TUSC3: variants seen among roughly 807,000 people sequenced by gnomAD.
TUSC3 encodes tumor suppressor candidate 3.
A neutral mutation model predicts 44.8 loss-of-function variants in TUSC3; 45 were observed. That is an observed-to-expected ratio of 1.00 (90% CI 0.79 to 1.29). The LOEUF (loss-of-function observed/expected upper bound fraction) is 1.29. Ranked by LOEUF, TUSC3 falls within the 50% of genes most tolerant of loss-of-function variation. The probability of loss-of-function intolerance (pLI) is 0.00; values close to 1 mark genes in which losing one functional copy is unlikely to be tolerated. For synonymous variants in TUSC3, 212 were observed against 152.9 expected, an observed-to-expected ratio of 1.39 and a Z score of -2.85; for missense variants, 519 against 437.9, an observed-to-expected ratio of 1.19 and a Z score of -1.65.
intron 1 of TUSC3, among the ~76,000 whole-genome samples, chr8:15,422,924 T>A (rs967654834): frequency 6.6e-6 from 1 of 152,164 alleles, no homozygotes; most frequent in African/African-American, 2.4e-5. Flanking sequence ...ATTACAGGTA[T>A]GAGCCACTGC....
intron 1 of TUSC3, among the ~76,000 whole-genome samples, chr8:15,545,236 AAT>A (rs1177404476): frequency 6.6e-6 from 1 of 151,586 alleles, no homozygotes; most frequent in Non-Finnish European, 1.5e-5. Context: ...TGTCCACAGC[AAT>A]AGATAGTTTA....
At chr8:15,646,467 T>A (rs1217804549) in intron 2 of TUSC3, among the ~76,000 whole-genome samples, 1 of 152,094 alleles carries the variant, frequency 6.6e-6, no homozygotes, top group Non-Finnish European at 1.5e-5. Flanking sequence ...AGTAGAGTAA[T>A]ATGGAATACA....
At chr8:15,699,232 A>G (rs1200181829) in intron 6 of TUSC3, among the ~76,000 whole-genome samples, 1 of 146,900 alleles carries the variant, frequency 6.8e-6, no homozygotes, top group African/African-American at 2.5e-5. Context: ...ACAACTATTC[A>G]GTGAATTGTA....
intron 10 of TUSC3, among the ~76,000 whole-genome samples, chr8:15,763,146 C>T (rs980857594): frequency 6.6e-6 from 1 of 151,414 alleles, no homozygotes; most frequent in East Asian, 1.9e-4. Context: ...ATATATATTT[C>T]ATGTTTTATA....
At chr8:15,546,601 A>C (rs1031693605) in intron 1 of TUSC3, among the ~76,000 whole-genome samples, 5 of 151,540 alleles carry the variant, frequency 3.3e-5, no homozygotes, top group Admixed American at 6.6e-5. Flanking sequence ...AATGGCGCAA[A>C]CTTGGCTCAC....
the TUSC3 span, among the ~76,000 whole-genome samples, chr8:15,848,732 G>T: frequency 6.6e-6 from 1 of 152,148 alleles, no homozygotes; most frequent in Non-Finnish European, 1.5e-5. Context: ...CTGGAGTCCA[G>T]AATCTTCAAC....
At chr8:15,463,230 G>A (rs1041607410) in intron 1 of TUSC3, among the ~76,000 whole-genome samples, 1 of 152,020 alleles carries the variant, frequency 6.6e-6, no homozygotes. Context: ...AAATTACTTA[G>A]CATGAATTTT....
the TUSC3 span, among the ~76,000 whole-genome samples, chr8:15,824,484 G>A: frequency 3.3e-5 from 5 of 151,750 alleles, no homozygotes; most frequent in African/African-American, 4.8e-5. Context: ...ATTTTTTATG[G>A]CTGCTCAGCA....
intron 1 of TUSC3, among the ~76,000 whole-genome samples, chr8:15,541,422 T>C (rs1189994256): frequency 6.6e-6 from 1 of 152,258 alleles, no homozygotes; most frequent in African/African-American, 2.4e-5. Flanking sequence ...AGTTATCTGC[T>C]TACATAATTG....
chr8:15,703,364 T>A (rs1489889602), intron 6 of TUSC3, among the ~76,000 whole-genome samples: 1 of 152,094 alleles, frequency 6.6e-6, no homozygotes, highest in Non-Finnish European at 1.5e-5. Context: ...AAGTGGGAAT[T>A]TTTTCTTCAA....
chr8:15,465,923 C>T (rs1010282658), intron 1 of TUSC3, among the ~76,000 whole-genome samples: 4 of 152,156 alleles, frequency 2.6e-5, no homozygotes, highest in African/African-American at 9.7e-5. Context: ...CCTAGTTCAT[C>T]GTGATATACT....
chr8:15,743,744 C>T, intron 8 of TUSC3, 132 bp downstream of exon 8: 1 of 1,030,608 alleles, frequency 9.7e-7, no homozygotes, highest in Non-Finnish European at 1.5e-6. Context: ...AAGATTTTAA[C>T]TTTTTTCTAT....
intron 1 of TUSC3, among the ~76,000 whole-genome samples, chr8:15,566,180 C>T (rs1802664374): frequency 6.6e-6 from 1 of 152,100 alleles, no homozygotes; most frequent in Non-Finnish European, 1.5e-5. Context: ...ATATTTACAG[C>T]AGTGATTCAT....
At chr8:15,757,973 CTT>C in intron 10 of TUSC3, 118 bp downstream of exon 10, 1 of 1,493,898 alleles carries the variant, frequency 6.7e-7, no homozygotes, top group Non-Finnish European at 8.9e-7. Flanking sequence ...TGTAAGATAA[CTT>C]TTAACTGTGA....
chr8:15,801,676 T>C, the TUSC3 span, among the ~76,000 whole-genome samples: 2 of 151,906 alleles, frequency 1.3e-5, no homozygotes, highest in East Asian at 1.9e-4. Context: ...ACCATGAGGG[T>C]TGTGAGAGCT....
intron 2 of TUSC3, among the ~76,000 whole-genome samples, chr8:15,510,398 T>C (rs1230917898): frequency 1.3e-5 from 2 of 151,982 alleles, no homozygotes; most frequent in Admixed American, 6.6e-5. Context: ...ATATCAGACA[T>C]GAGAGCAATG....
At chr8:15,709,537 G>A (rs1739040330) in intron 6 of TUSC3, among the ~76,000 whole-genome samples, 1 of 151,828 alleles carries the variant, frequency 6.6e-6, no homozygotes, top group Non-Finnish European at 1.5e-5. Flanking sequence ...AGCTCCAGAT[G>A]AAGCTCCCAT....
At chr8:15,807,116 A>G in the TUSC3 span, 3 of 1,144,710 alleles carry the variant, frequency 2.6e-6, no homozygotes, top group African/African-American at 3.0e-5. Flanking sequence ...TATACACAGC[A>G]AAGAATGACC....
chr8:15,849,059 A>T, the TUSC3 span, among the ~76,000 whole-genome samples: 1 of 152,168 alleles, frequency 6.6e-6, no homozygotes, highest in Admixed American at 6.5e-5. Flanking sequence ...TTTTTCATTC[A>T]TTAGCAAAAT....
Sources: gnomAD v4.1 joint callset for allele counts (sites outside exome capture counted in the v4.1 genomes callset) on GRCh38, gnomAD v4.1.1 for gene constraint, MANE v1.5 for transcripts, NCBI Gene and HGNC (gene_info 2026-07-23, HGNC 2026-07-21) for gene names.